PODXL2: variants seen among roughly 807,000 people sequenced by gnomAD.
The protein encoded by PODXL2 is podocalyxin like 2, also known as podocalyxin-like protein 2.
PODXL2 carries 17 observed loss-of-function variants against 53.4 expected under a neutral mutation model. The observed-to-expected ratio is 0.32, with a 90% CI of 0.22 to 0.48. PODXL2 has a LOEUF of 0.48. Ranked by LOEUF, PODXL2 falls within the 20% of genes least tolerant of loss-of-function variation. The pLI is 0.99. For synonymous variants in PODXL2, 311 were observed against 306.7 expected (o/e 1.01, Z -0.15); for missense variants, 673 against 760.0 (o/e 0.89, Z 1.35).
At chr3:127,642,064 G>A (rs2074624398) in intron 2 of PODXL2, among the ~76,000 whole-genome samples, 1 of 151,866 alleles carries the variant, frequency 6.6e-6, no homozygotes, top group Admixed American at 6.6e-5. Flanking sequence ...GTTCGAGGTG[G>A]GCAGATCATG....
At position 127,629,992 on chromosome 3, in the gene PODXL2, C is replaced by T. The variant is rs980029075; in HGVS notation, c.70+703C>T. ...GTTTCCATTCAGCAGCCACGCCGGG[C>T]GGCGGGCTGTGTGGGTGCGTGGCGG... On this transcript the variant is annotated intron_variant, in intron 1 of 7. Transcript: ENST00000342480. The surrounding 1 kb of genome is among the most constrained non-coding windows in gnomAD (Gnocchi z 6.4). 2.0e-5 allele frequency among the ~76,000 whole-genome samples: 3 copies of T among 151,932 alleles called. No homozygotes were observed. Among genetic ancestry groups the T allele is most frequent in the Admixed American group, 6.6e-5 (1 of 15,260 alleles).
Position 127,660,360 on chromosome 3 carries a change from T to C in PODXL2, c.350-18T>C, listed in dbSNP as rs771841980. ...GAATGATGAAACAAGTGAATGAACT[T>C]TTCATCTCTGTCCTTAGATTATGTT... is the stretch of plus-strand genomic sequence containing the variant. On this transcript the variant is annotated intron_variant, in intron 2 of 7. Coordinates refer to ENST00000342480, the MANE Select transcript of PODXL2 (RefSeq NM_015720.4). 6.2e-7 allele frequency: 1 copy of C among 1,601,116 alleles called. No individual in the cohort carries two copies. Among genetic ancestry groups the C allele is most frequent in the Non-Finnish European group, 8.5e-7 (1 of 1,170,996 alleles).
At chr3:127,650,745 C>T (rs2074683579) in intron 2 of PODXL2, among the ~76,000 whole-genome samples, 1 of 152,144 alleles carries the variant, frequency 6.6e-6, no homozygotes, top group South Asian at 2.1e-4. Flanking sequence ...CAAGCCCCGC[C>T]TCCTGGGTTC....
chr3:127,634,920 G>A (rs2074567745), intron 1 of PODXL2, among the ~76,000 whole-genome samples: 1 of 152,038 alleles, frequency 6.6e-6, no homozygotes, highest in Admixed American at 6.6e-5. Flanking sequence ...AATTGCTAGG[G>A]GTTCGTAAAA....
At chr3:127,638,575 C>T (rs1375979471) in intron 1 of PODXL2, among the ~76,000 whole-genome samples, 3 of 152,068 alleles carry the variant, frequency 2.0e-5, no homozygotes, top group Admixed American at 6.6e-5. Flanking sequence ...ATTAGCCAGG[C>T]GTGGTGGTGG....
At position 127,630,602 on chromosome 3, in the gene PODXL2, A is replaced by G. The variant is rs533390453; in HGVS notation, c.70+1313A>G. Among the ~76,000 whole-genome samples the G allele has an allele frequency of 2.0e-5, 3 of 152,306 alleles. No individual in the cohort carries two copies. The East Asian group carries it at 5.8e-4, about 29-fold the overall frequency. Reference sequence around the variant, plus strand: ...GGTGGGCCATGAACCTGGGACTCAGAGTGGCAGAATCCCAGGGTAAATGGC... The same window carrying G: ...GGTGGGCCATGAACCTGGGACTCAGGGTGGCAGAATCCCAGGGTAAATGGC... On this transcript the variant is annotated intron_variant, in intron 1 of 7. Coordinates refer to ENST00000342480, the MANE Select transcript of PODXL2 (RefSeq NM_015720.4).
At chr3:127,652,623 A>C (rs1267623142) in intron 2 of PODXL2, among the ~76,000 whole-genome samples, 1 of 152,104 alleles carries the variant, frequency 6.6e-6, no homozygotes, top group Non-Finnish European at 1.5e-5. Context: ...GACAGGGATG[A>C]ATCCATGGAG....
chr3:127,669,148 G>A lies in PODXL2; in HGVS notation c.1371G>A (p.Val457=), dbSNP rs938810991. The A allele has an allele frequency of 1.1e-5, 18 of 1,603,722 alleles. No homozygotes were observed. Among genetic ancestry groups the A allele is most frequent in the Non-Finnish European group, 1.5e-5 (18 of 1,175,382 alleles). Residue 457 remains valine (V), a synonymous_variant, in exon 6 of 8, where the codon GTG becomes GTA. Transcript: ENST00000342480. ...GTGTTTCTTACCCCCCAGGGGTGGT[G>A]CCCACTCAAGATGTCCTTTCCATGC... The part of the protein sequence containing the change: ...LMTLVGEQGV[V]PTQDVLSMLG...
intron 1 of PODXL2, among the ~76,000 whole-genome samples, chr3:127,636,359 C>T (rs2074578408): frequency 6.6e-6 from 1 of 152,110 alleles, no homozygotes; most frequent in South Asian, 2.1e-4. Flanking sequence ...AGGGTCCCCC[C>T]GTGATGTGAA....
intron 3 of PODXL2, 48 bp downstream of exon 3, chr3:127,661,207 G>C: frequency 6.9e-7 from 1 of 1,448,036 alleles, no homozygotes; most frequent in Admixed American, 1.8e-5. Context: ...TCTTCACAGA[G>C]CCTGGCCATC....
intron 2 of PODXL2, among the ~76,000 whole-genome samples, chr3:127,652,359 G>C (rs916254086): frequency 6.6e-6 from 1 of 152,194 alleles, no homozygotes; most frequent in African/African-American, 2.4e-5. Flanking sequence ...AGGGGGGGCT[G>C]TGACTTCACA....
chr3:127,659,873 G>C (rs1169797114), intron 2 of PODXL2, among the ~76,000 whole-genome samples: 5 of 152,148 alleles, frequency 3.3e-5, no homozygotes, highest in Non-Finnish European at 7.4e-5. Flanking sequence ...GAGCACAGTT[G>C]AGGAACAATG....
chr3:127,635,145 G>A (rs1417907511), intron 1 of PODXL2, among the ~76,000 whole-genome samples: 1 of 152,204 alleles, frequency 6.6e-6, no homozygotes, highest in East Asian at 1.9e-4. Context: ...TCCCGGTGTT[G>A]TTATTTCCTC....
chr3:127,647,613 G>T (rs567638783), intron 2 of PODXL2, among the ~76,000 whole-genome samples: 61 of 152,332 alleles, frequency 4.0e-4, no homozygotes, highest in African/African-American at 1.3e-3. Flanking sequence ...AGCACTCGGC[G>T]TGCCGCCCTC....
intron 2 of PODXL2, 141 bp from the exon 3 acceptor site, chr3:127,660,237 C>A: frequency 1.1e-6 from 1 of 941,778 alleles, no homozygotes; most frequent in Non-Finnish European, 1.6e-6. Context: ...CCACAGTCTG[C>A]TCCCCTGGCC....
At chr3:127,658,406 C>CTTTTTTTT (rs60979669) in intron 2 of PODXL2, among the ~76,000 whole-genome samples, 3 of 87,384 alleles carry the variant, frequency 3.4e-5, no homozygotes, top group African/African-American at 8.3e-5. Context: ...TTTCCCATGT[C>CTTTTTTTT]TTTTTTTTTT....
chr3:127,654,636 C>G (rs1370340057), intron 2 of PODXL2, among the ~76,000 whole-genome samples: 2 of 152,172 alleles, frequency 1.3e-5, no homozygotes, highest in Admixed American at 6.5e-5. Context: ...CCTAGATTTT[C>G]TTTGACTTAA....
At position 127,644,863 on chromosome 3, in the gene PODXL2, C is replaced by A. The variant is rs9866025; in HGVS notation, c.349+5340C>A. Among the ~76,000 whole-genome samples, 1,467 of 152,140 alleles carry A rather than the reference C, an allele frequency of 9.6e-3. 31 individuals carry two copies. The highest frequency in any genetic ancestry group is 0.033 in the African/African-American group (1,357 of 41,518). ...AGGCAGAGGAGGTGCAGGGAGGAGG[C>A]CAGGAGGCCAGGCAGGTGCAGGGAG... On this transcript the variant is annotated intron_variant, in intron 2 of 7. Transcript: ENST00000342480.
chr3:127,655,012 G>A (rs571421573), intron 2 of PODXL2, among the ~76,000 whole-genome samples: 5 of 152,056 alleles, frequency 3.3e-5, no homozygotes, highest in African/African-American at 9.6e-5. Flanking sequence ...GTGCAATCTC[G>A]GCTCACTGGA....
Sources: allele counts gnomAD v4.1 joint callset (sites outside exome capture counted in the v4.1 genomes callset), GRCh38; gene constraint gnomAD v4.1.1; non-coding constraint Gnocchi (gnomAD v3.1); transcripts MANE v1.5; gene names NCBI Gene and HGNC (gene_info 2026-07-23, HGNC 2026-07-21).